SGCZ: variants seen among roughly 807,000 people sequenced by gnomAD.
SGCZ encodes zeta-sarcoglycan.
SGCZ carries 40 observed loss-of-function variants against 41.3 expected under a neutral mutation model. That is an observed-to-expected ratio of 0.97 (90% CI 0.75 to 1.26). The LOEUF (loss-of-function observed/expected upper bound fraction) is 1.26. SGCZ is among the 50% of genes most tolerant of loss of function. The pLI, the probability that SGCZ is intolerant of heterozygous loss-of-function variation, is 0.00. For missense variants in SGCZ, 552 were observed against 369.8 expected, an observed-to-expected ratio of 1.49 and a Z score of -4.04; for synonymous variants, 206 against 137.5, an observed-to-expected ratio of 1.50 and a Z score of -3.49.
At chr8:14,430,171 G>A (rs928018679) in intron 2 of SGCZ, among the ~76,000 whole-genome samples, 1 of 152,006 alleles carries the variant, frequency 6.6e-6, no homozygotes, top group Non-Finnish European at 1.5e-5. Context: ...TAGAGAAAGA[G>A]GGAATCCTCC....
At chr8:15,007,403 G>A (rs1563431310) in intron 1 of SGCZ, among the ~76,000 whole-genome samples, 1 of 152,126 alleles carries the variant, frequency 6.6e-6, no homozygotes, top group Non-Finnish European at 1.5e-5. Flanking sequence ...ATTCAGCATT[G>A]TAGTTCTCTA....
rs568368494 is a variant in SGCZ at position 14,812,942 on chromosome 8, C to A, written c.40-258016G>T. Among the ~76,000 whole-genome samples, 3 of 152,210 alleles carry A rather than the reference C, an allele frequency of 2.0e-5. No homozygotes were observed. The East Asian group carries it at 5.8e-4, about 29-fold the overall frequency. On this transcript the variant is annotated intron_variant, in intron 1 of 7. Transcript: ENST00000382080. The stretch of plus-strand genomic sequence containing the variant: ...TAATGTTCCTGAATAATATGCCAGA[C>A]TTATATAATTATATAACTCAAGAAG...
chr8:14,987,708 A>G (rs1801872578), intron 1 of SGCZ, among the ~76,000 whole-genome samples: 1 of 151,942 alleles, frequency 6.6e-6, no homozygotes, highest in Admixed American at 6.6e-5. Context: ...CTGCATTATT[A>G]ATGAACACAA....
intron 2 of SGCZ, among the ~76,000 whole-genome samples, chr8:14,343,770 G>T (rs182266409): frequency 0.011 from 1,679 of 152,138 alleles, 28 homozygotes; most frequent in African/African-American, 0.037. Context: ...AGTGAGCAGA[G>T]GGTAAATCCT....
At position 14,663,227 on chromosome 8, in the gene SGCZ, G is replaced by C. The variant is rs796883521; in HGVS notation, c.40-108301C>G. On this transcript the variant is annotated intron_variant, in intron 1 of 7. Transcript: ENST00000382080. ...GACAATTGTACCTACCCCTTGGTAT[G>C]ATTTTGAAAATTTAATTTATTAGTT... 9.9e-5 allele frequency among the ~76,000 whole-genome samples: 15 copies of C among 152,274 alleles called. 1 individual carries two copies. Among genetic ancestry groups the C allele is most frequent in the African/African-American group, 3.6e-4 (15 of 41,586 alleles).
chr8:14,981,697 G>A (rs1801667885), intron 1 of SGCZ, among the ~76,000 whole-genome samples: 1 of 152,148 alleles, frequency 6.6e-6, no homozygotes, highest in Non-Finnish European at 1.5e-5. Context: ...AACAGGATGT[G>A]TATAAATATA....
At chr8:14,837,293 G>A (rs890581010) in intron 1 of SGCZ, among the ~76,000 whole-genome samples, 24 of 152,320 alleles carry the variant, frequency 1.6e-4, no homozygotes, top group African/African-American at 5.5e-4. Context: ...ATGAAGAAAT[G>A]ATCCATGAAA....
intron 1 of SGCZ, chr8:14,853,426 C>A (rs536601788): frequency 3.8e-6 from 2 of 531,864 alleles, no homozygotes; most frequent in South Asian, 1.4e-5. Context: ...GAGGTAAAGG[C>A]TAGGACACTT....
chr8:14,769,793 T>TAAAAAAAAAAA (rs565416806), intron 1 of SGCZ, among the ~76,000 whole-genome samples: 824 of 51,962 alleles, frequency 0.016, 12 homozygotes, highest in East Asian at 0.025. Flanking sequence ...AAAACACCAT[T>TAAAAAAAAAAA]AAAAAAAAAA....
At chr8:14,412,242 C>G (rs1799379838) in intron 2 of SGCZ, among the ~76,000 whole-genome samples, 1 of 152,030 alleles carries the variant, frequency 6.6e-6, no homozygotes, top group South Asian at 2.1e-4. Flanking sequence ...GCCTCAGTTT[C>G]CTCTTTTGGA....
chr8:14,628,295 G>C (rs1806530243), intron 1 of SGCZ, among the ~76,000 whole-genome samples: 1 of 151,770 alleles, frequency 6.6e-6, no homozygotes, highest in African/African-American at 2.4e-5. Flanking sequence ...AATTTGTCTT[G>C]AGTTTTAAAA....
At chr8:15,171,170 T>A (rs1290536789) in intron 1 of SGCZ, among the ~76,000 whole-genome samples, 3 of 152,206 alleles carry the variant, frequency 2.0e-5, no homozygotes, top group Non-Finnish European at 4.4e-5. Context: ...TGCTACCTAC[T>A]CTTAATTGAA....
chr8:14,098,077 T>C lies in SGCZ; in HGVS notation c.744+4299A>G, dbSNP rs1366699912. On this transcript the variant is annotated intron_variant, in intron 7 of 7. Transcript: ENST00000382080. ...ATTGAATTTTTAGTAATTCCTACCA[T>C]GTTTAACCCTGTAGATACACCTTCT... 2.0e-5 allele frequency among the ~76,000 whole-genome samples: 3 copies of C among 152,198 alleles called. 1 individual carries two copies. Among genetic ancestry groups the C allele is most frequent in the Non-Finnish European group, 4.4e-5 (3 of 68,034 alleles).
At chr8:15,104,914 A>C (rs923870015) in intron 1 of SGCZ, among the ~76,000 whole-genome samples, 1 of 152,230 alleles carries the variant, frequency 6.6e-6, no homozygotes, top group Admixed American at 6.5e-5. Flanking sequence ...ACAGGGTATG[A>C]ACAATTTTTG....
At chr8:14,859,155 A>C (rs920311071) in intron 1 of SGCZ, among the ~76,000 whole-genome samples, 1 of 152,092 alleles carries the variant, frequency 6.6e-6, no homozygotes, top group Non-Finnish European at 1.5e-5. Flanking sequence ...TTGCAGAAGT[A>C]TTTTATGCAT....
Position 14,118,223 on chromosome 8 carries a change from C to G in SGCZ, c.548-9988G>C, listed in dbSNP as rs546644233. ...CAACAGTGTAAAAGTGTTCCTATTT[C>G]TCCACATTCTCTCCAGCATCTGTTG... On this transcript the variant is annotated intron_variant, in intron 5 of 7. Transcript: ENST00000382080. Among the ~76,000 whole-genome samples the G allele has an allele frequency of 2.1e-4, 32 of 152,242 alleles. No homozygotes were observed. In the South Asian group the frequency reaches 6.6e-3, roughly 32 times the overall value.
At chr8:14,254,195 T>C (rs1799384076) in intron 3 of SGCZ, among the ~76,000 whole-genome samples, 1 of 152,148 alleles carries the variant, frequency 6.6e-6, no homozygotes. Flanking sequence ...ACCCTGGATT[T>C]TGAGTTTACC....
intron 1 of SGCZ, among the ~76,000 whole-genome samples, chr8:14,884,783 A>G (rs1473575038): frequency 6.6e-6 from 1 of 152,104 alleles, no homozygotes; most frequent in African/African-American, 2.4e-5. Flanking sequence ...TATCAACATC[A>G]CAATTTATCT....
At chr8:14,095,305 G>A (rs1440748887) in intron 7 of SGCZ, among the ~76,000 whole-genome samples, 3 of 152,134 alleles carry the variant, frequency 2.0e-5, no homozygotes, top group Admixed American at 6.6e-5. Flanking sequence ...TTCATATAAG[G>A]TGTAAGGAAG....
Sources: gnomAD v4.1 joint callset for allele counts (sites outside exome capture counted in the v4.1 genomes callset) on GRCh38, gnomAD v4.1.1 for gene constraint, MANE v1.5 for transcripts, NCBI Gene and HGNC (gene_info 2026-07-23, HGNC 2026-07-21) for gene names.